Variants in CLYBL observed in about 807,000 individuals in gnomAD.
CLYBL encodes the protein citramalyl-CoA lyase.
In CLYBL, 31 loss-of-function variants were observed where a neutral mutation model predicts 38.9. The observed-to-expected ratio is 0.80, with a 90% CI of 0.60 to 1.08. The LOEUF (loss-of-function observed/expected upper bound fraction) is 1.08. CLYBL is among the 50% of genes least tolerant of loss of function. The pLI, the probability that CLYBL is intolerant of heterozygous loss-of-function variation, is 0.00. For synonymous variants in CLYBL, 171 were observed against 158.6 expected (o/e 1.08, Z -0.59); for missense variants, 434 against 411.6 (o/e 1.05, Z -0.47).
At chr13:99,627,673 T>C (rs917877779) in intron 1 of CLYBL, among the ~76,000 whole-genome samples, 3 of 152,256 alleles carry the variant, frequency 2.0e-5, no homozygotes, top group African/African-American at 7.2e-5. Context: ...GTTAATTTGC[T>C]TTTTCTGTTT....
intron 1 of CLYBL, among the ~76,000 whole-genome samples, chr13:99,609,981 C>T (rs922861194): frequency 2.8e-4 from 43 of 152,228 alleles, no homozygotes; most frequent in Admixed American, 2.5e-3. Flanking sequence ...TAGCTCACTG[C>T]AGCCTGCAGC....
At chr13:99,770,055 ACTTTTCTTTCTTTTT>A (rs1011012867) in intron 1 of CLYBL, among the ~76,000 whole-genome samples, 9 of 149,476 alleles carry the variant, frequency 6.0e-5, no homozygotes, top group African/African-American at 2.0e-4. Context: ...CAGGGTTTTA[ACTTTTCTTTCTTTTT>A]CTTTTCTTTC....
At chr13:99,812,765 C>G (rs1398798818) in intron 2 of CLYBL, among the ~76,000 whole-genome samples, 5 of 152,184 alleles carry the variant, frequency 3.3e-5, no homozygotes, top group Admixed American at 3.3e-4. Context: ...ACTCATGTCA[C>G]CAGTTATGGA....
At chr13:99,863,200 T>G in intron 4 of CLYBL, 108 bp downstream of exon 4, 4 of 578,984 alleles carry the variant, frequency 6.9e-6, no homozygotes, top group Non-Finnish European at 8.7e-6. Context: ...TAGAAAGATT[T>G]ATAAGCAAAG....
At chr13:99,899,713 G>A (rs1348999736), downstream of CLYBL, among the ~76,000 whole-genome samples, 1 of 152,064 alleles carries the variant, frequency 6.6e-6, no homozygotes, top group African/African-American at 2.4e-5. Flanking sequence ...AAGAATGAAT[G>A]TAAAATAAAG....
intron 2 of CLYBL, among the ~76,000 whole-genome samples, chr13:99,833,007 C>CACATATATATATATATAT (rs1555314794): frequency 3.9e-5 from 2 of 51,574 alleles, no homozygotes; most frequent in African/African-American, 1.5e-4. Flanking sequence ...TACATACATA[C>CACATATATATATATATAT]ATATATATAT....
intron 1 of CLYBL, among the ~76,000 whole-genome samples, chr13:99,756,828 A>G (rs2049070771): frequency 6.6e-6 from 1 of 152,214 alleles, no homozygotes. Context: ...CATGTACTAA[A>G]TTGTATCTTC....
chr13:99,622,891 G>T (rs1209515069), intron 1 of CLYBL, among the ~76,000 whole-genome samples: 1 of 152,168 alleles, frequency 6.6e-6, no homozygotes, highest in African/African-American at 2.4e-5. Flanking sequence ...GAGTGTAGTG[G>T]CATGATCATA....
chr13:99,659,612 G>A (rs1296961965), intron 1 of CLYBL, among the ~76,000 whole-genome samples: 2 of 152,184 alleles, frequency 1.3e-5, no homozygotes, highest in African/African-American at 4.8e-5. Flanking sequence ...AATGATGCCA[G>A]GAATACTATG....
intron 3 of CLYBL, among the ~76,000 whole-genome samples, chr13:99,862,268 T>C (rs912028228): frequency 6.6e-6 from 1 of 152,188 alleles, no homozygotes; most frequent in African/African-American, 2.4e-5. Flanking sequence ...ATAGACATAA[T>C]AGATTTACAA....
At chr13:99,608,226 C>T (rs980449003) in intron 1 of CLYBL, among the ~76,000 whole-genome samples, 3 of 152,042 alleles carry the variant, frequency 2.0e-5, no homozygotes, top group Admixed American at 2.0e-4. Context: ...GCGTCCGCCA[C>T]CATGCCCGGC....
At chr13:99,684,443 A>G (rs1048746876) in intron 1 of CLYBL, among the ~76,000 whole-genome samples, 1 of 152,124 alleles carries the variant, frequency 6.6e-6, no homozygotes, top group Non-Finnish European at 1.5e-5. Flanking sequence ...TATGTGGCGC[A>G]TGACTGTATC....
At chr13:99,723,543 G>A (rs1366784969) in intron 1 of CLYBL, among the ~76,000 whole-genome samples, 16 of 152,282 alleles carry the variant, frequency 1.1e-4, no homozygotes, top group Non-Finnish European at 8.8e-5. Context: ...AGATTAAATA[G>A]GGCTGTAATC....
chr13:99,778,311 CAGTA>C (rs2049565297), intron 2 of CLYBL, among the ~76,000 whole-genome samples: 1 of 151,948 alleles, frequency 6.6e-6, no homozygotes, highest in Admixed American at 6.6e-5. Context: ...GTTTATTTCT[CAGTA>C]AGAAGAAATC....
At chr13:99,744,131 C>T (rs2048808737) in intron 1 of CLYBL, among the ~76,000 whole-genome samples, 1 of 151,982 alleles carries the variant, frequency 6.6e-6, no homozygotes, top group Non-Finnish European at 1.5e-5. Context: ...CGCCACCACG[C>T]CCGGTTAATT....
intron 1 of CLYBL, among the ~76,000 whole-genome samples, chr13:99,718,054 T>C (rs1434903136): frequency 6.6e-6 from 1 of 151,968 alleles, no homozygotes; most frequent in Non-Finnish European, 1.5e-5. Context: ...TTTTTGTTTT[T>C]GTTTTGTAGA....
At chr13:99,717,159 C>T (rs2048329442) in intron 1 of CLYBL, among the ~76,000 whole-genome samples, 1 of 151,552 alleles carries the variant, frequency 6.6e-6, no homozygotes, top group Non-Finnish European at 1.5e-5. Context: ...GGCATGGTGG[C>T]TTACGCCTGT....
intron 1 of CLYBL, among the ~76,000 whole-genome samples, chr13:99,742,772 GT>G (rs1331826358): frequency 6.6e-6 from 1 of 152,216 alleles, no homozygotes; most frequent in Non-Finnish European, 1.5e-5. Flanking sequence ...CAACACGGCT[GT>G]TGGATGTTGA....
intron 1 of CLYBL, among the ~76,000 whole-genome samples, chr13:99,620,803 A>C (rs980693287): frequency 7.0e-6 from 1 of 142,058 alleles, no homozygotes; most frequent in African/African-American, 2.6e-5. Flanking sequence ...AAAGAGAGAG[A>C]GAGAAAGAGA....
Sources: gnomAD v4.1 joint callset for allele counts (sites outside exome capture counted in the v4.1 genomes callset) on GRCh38, gnomAD v4.1.1 for gene constraint, MANE v1.5 for transcripts, NCBI Gene and HGNC (gene_info 2026-07-23, HGNC 2026-07-21) for gene names.